The following PTPRT variants were observed in gnomAD, a reference collection of about 807,000 sequenced individuals.
The protein encoded by PTPRT is protein tyrosine phosphatase receptor type T.
A neutral mutation model predicts 176.8 loss-of-function variants in PTPRT; 56 were observed. The ratio of observed to expected loss-of-function variants is 0.32; its 90% CI spans 0.26 to 0.40. PTPRT has a LOEUF of 0.40. Among genes scored for constraint, PTPRT ranks in the 10% least tolerant of loss-of-function variants. The pLI, the probability that PTPRT is intolerant of heterozygous loss-of-function variation, is 1.00. For synonymous variants in PTPRT, 783 were observed against 739.0 expected (o/e 1.06, Z -0.96); for missense variants, 1,540 against 1,908.2 (o/e 0.81, Z 3.60).
intron 1 of PTPRT, among the ~76,000 whole-genome samples, chr20:43,118,836 C>A (rs1353411490): frequency 1.3e-5 from 2 of 152,184 alleles, no homozygotes; most frequent in African/African-American, 2.4e-5. Context: ...GGATTCCAAC[C>A]AAATCCTGTG....
At chr20:42,585,321 T>A (rs926295909) in intron 7 of PTPRT, among the ~76,000 whole-genome samples, 3 of 152,252 alleles carry the variant, frequency 2.0e-5, no homozygotes, top group African/African-American at 7.2e-5. Flanking sequence ...GGCTATTGAC[T>A]CATGTGTCCT....
chr20:42,105,605 G>A (rs1986365184), intron 24 of PTPRT, among the ~76,000 whole-genome samples: 1 of 152,200 alleles, frequency 6.6e-6, no homozygotes, highest in Admixed American at 6.5e-5. Flanking sequence ...TTTTCCAGAT[G>A]CTATGTGATG....
At chr20:42,281,057 C>T (rs2057131125) in intron 13 of PTPRT, among the ~76,000 whole-genome samples, 1 of 152,126 alleles carries the variant, frequency 6.6e-6, no homozygotes, top group South Asian at 2.1e-4. Context: ...CTGTGAGTTT[C>T]CTTCCCTCTC....
chr20:42,122,258 C>T (rs961556901), intron 19 of PTPRT, among the ~76,000 whole-genome samples: 1 of 152,166 alleles, frequency 6.6e-6, no homozygotes, highest in African/African-American at 2.4e-5. Flanking sequence ...TACTATGTGC[C>T]AGGCACTATT....
At chr20:42,730,473 C>G (rs2076443918) in intron 6 of PTPRT, among the ~76,000 whole-genome samples, 1 of 152,174 alleles carries the variant, frequency 6.6e-6, no homozygotes, top group South Asian at 2.1e-4. Flanking sequence ...AGCCAAGAGA[C>G]TTTCTCATTT....
chr20:42,909,207 C>T (rs1407229827), intron 1 of PTPRT, among the ~76,000 whole-genome samples: 2 of 152,076 alleles, frequency 1.3e-5, no homozygotes, highest in African/African-American at 4.8e-5. Context: ...AGAGAAATAT[C>T]TATGTGTGTA....
At chr20:42,278,140 A>T (rs2057078753) in intron 13 of PTPRT, among the ~76,000 whole-genome samples, 1 of 106,748 alleles carries the variant, frequency 9.4e-6, no homozygotes, top group Admixed American at 1.2e-4. Flanking sequence ...TATATTTGCA[A>T]GTTGTGATGA....
chr20:42,342,924 T>C (rs2145482657), intron 11 of PTPRT, among the ~76,000 whole-genome samples: 1 of 152,356 alleles, frequency 6.6e-6, no homozygotes, highest in East Asian at 1.9e-4. Context: ...CTTAACTAAC[T>C]GCACCTGTCA....
At chr20:42,688,322 T>G (rs1018283202) in intron 6 of PTPRT, 2 of 152,280 alleles carry the variant, frequency 1.3e-5, no homozygotes, top group Non-Finnish European at 2.9e-5. Context: ...GCCATGCCCC[T>G]TACAGCTGCA....
At chr20:42,684,238 G>A (rs926692677) in intron 6 of PTPRT, among the ~76,000 whole-genome samples, 54 of 152,084 alleles carry the variant, frequency 3.6e-4, no homozygotes, top group South Asian at 4.2e-4. Flanking sequence ...CCAGCTACTC[G>A]GGAGGCTGAG....
intron 7 of PTPRT, among the ~76,000 whole-genome samples, chr20:42,638,662 C>T (rs2074665386): frequency 6.6e-6 from 1 of 152,100 alleles, no homozygotes; most frequent in Non-Finnish European, 1.5e-5. Context: ...CATACTCAAG[C>T]CACAAGTGAC....
intron 13 of PTPRT, among the ~76,000 whole-genome samples, chr20:42,252,663 A>T (rs1308569516): frequency 6.6e-6 from 1 of 152,192 alleles, no homozygotes; most frequent in African/African-American, 2.4e-5. Context: ...TTGGATGAGT[A>T]TTAGAAAAAT....
chr20:42,388,482 T>C (rs2058766561), intron 9 of PTPRT, among the ~76,000 whole-genome samples: 1 of 152,112 alleles, frequency 6.6e-6, no homozygotes, highest in Non-Finnish European at 1.5e-5. Context: ...AACAGACACT[T>C]CTCAAAAGAA....
chr20:42,555,147 T>C (rs1288129536), intron 7 of PTPRT, among the ~76,000 whole-genome samples: 1 of 152,156 alleles, frequency 6.6e-6, no homozygotes, highest in Non-Finnish European at 1.5e-5. Context: ...GCTACACTCC[T>C]GGGGACAGAT....
At chr20:42,430,360 C>A (rs1048660070) in intron 9 of PTPRT, among the ~76,000 whole-genome samples, 10 of 152,180 alleles carry the variant, frequency 6.6e-5, no homozygotes, top group African/African-American at 2.4e-4. Context: ...TGAACTTCAA[C>A]GTGCACAGTG....
chr20:42,614,847 C>G (rs2074038996), intron 7 of PTPRT, among the ~76,000 whole-genome samples: 1 of 151,798 alleles, frequency 6.6e-6, no homozygotes, highest in African/African-American at 2.4e-5. Flanking sequence ...GAGCAAGTCA[C>G]ATCTTACGTG....
chr20:43,114,326 G>A (rs1041103833), intron 1 of PTPRT, among the ~76,000 whole-genome samples: 21 of 152,094 alleles, frequency 1.4e-4, no homozygotes, highest in African/African-American at 4.8e-4. Context: ...AACTGCCTGC[G>A]TACAAATCTC....
chr20:43,091,343 A>G (rs75593599), intron 1 of PTPRT, among the ~76,000 whole-genome samples: 1,689 of 152,258 alleles, frequency 0.011, 17 homozygotes, highest in South Asian at 0.024. Context: ...GCTAATTAGC[A>G]ATACTGAATG....
intron 2 of PTPRT, among the ~76,000 whole-genome samples, chr20:42,828,827 G>T (rs1450460974): frequency 6.6e-6 from 1 of 152,186 alleles, no homozygotes; most frequent in African/African-American, 2.4e-5. Flanking sequence ...TGGATGTCCA[G>T]GTAGAAGTTT....
Sources: allele counts gnomAD v4.1 joint callset (sites outside exome capture counted in the v4.1 genomes callset), GRCh38; gene constraint gnomAD v4.1.1; transcripts MANE v1.5; gene names NCBI Gene and HGNC (gene_info 2026-07-23, HGNC 2026-07-21).